Variants in FRS2 observed in about 807,000 individuals in gnomAD.
The protein encoded by FRS2 is FGFR signalling adaptor.
In FRS2, 8 loss-of-function variants were observed where a neutral mutation model predicts 43.9. The observed-to-expected ratio is 0.18, with a 90% CI of 0.11 to 0.33. FRS2 has a LOEUF of 0.33. FRS2 is among the 10% of genes least tolerant of loss of function. FRS2 has a pLI of 1.00. For synonymous variants in FRS2, 219 were observed against 220.3 expected, an observed-to-expected ratio of 0.99 and a Z score of 0.05; for missense variants, 534 against 627.6, an observed-to-expected ratio of 0.85 and a Z score of 1.59.
intron 1 of FRS2, among the ~76,000 whole-genome samples, chr12:69,489,883 A>G (rs1254687879): frequency 6.7e-6 from 1 of 150,210 alleles, no homozygotes; most frequent in African/African-American, 2.5e-5. Flanking sequence ...GAATATACTG[A>G]TTGTTTGATA....
chr12:69,573,943 G>A, intron 8 of FRS2, 62 bp from the exon 9 acceptor site: 1 of 1,084,388 alleles, frequency 9.2e-7, no homozygotes, highest in South Asian at 1.5e-5. Context: ...GATGTGGTCA[G>A]GCTTTTTTTC....
Position 69,557,619 on chromosome 12 carries a change from T to TGTGTGTGTGTGCGCGC in FRS2, c.-121-4560_-121-4559insTGTGTGTGTGCGCGCG, listed in dbSNP as rs1555192498. On this transcript the variant is annotated intron_variant, in intron 3 of 8. Transcript: ENST00000549921. ...TTGTGTGTGTGTGTGTGTGTGTGTGTGCGCGCGCGCGCGCGCGCAGGTGCA... is the reference window on the plus strand; with the variant it reads ...TTGTGTGTGTGTGTGTGTGTGTGTGTGTGTGTGTGTGCGCGCGCGCGCGCGCGCGCGCGCAGGTGCA... Among the ~76,000 whole-genome samples, 39 of 119,012 alleles carry TGTGTGTGTGTGCGCGC rather than the reference T, an allele frequency of 3.3e-4. No homozygotes were observed. In the East Asian group the frequency reaches 3.7e-3, roughly 11 times the overall value. The allele number at this position is 119,012 out of a possible 152,430, so 78.1% of individuals were successfully genotyped here. A position where few individuals can be genotyped will look rare whatever the true frequency, so the allele number is the denominator to read the frequency against.
At chr12:69,534,076 A>C (rs503801) in intron 3 of FRS2, among the ~76,000 whole-genome samples, 14,255 of 152,240 alleles carry the variant, frequency 0.094, 884 homozygotes, top group Non-Finnish European at 0.14. Context: ...TTGATAGTCT[A>C]CTTGGAGTTA....
chr12:69,531,398 T>C (rs1303793496), intron 2 of FRS2, among the ~76,000 whole-genome samples: 1 of 152,152 alleles, frequency 6.6e-6, no homozygotes, highest in African/African-American at 2.4e-5. Context: ...GTAGTACAAA[T>C]TCTACCATAC....
chr12:69,538,239 TATATATATAC>T (rs1877532038), intron 3 of FRS2, among the ~76,000 whole-genome samples: 9 of 102,748 alleles, frequency 8.8e-5, no homozygotes, highest in African/African-American at 4.2e-4. Context: ...GCAGATTATA[TATATATATAC>T]ATATATATAT....
At chr12:69,555,824 G>A (rs1231846256) in intron 3 of FRS2, among the ~76,000 whole-genome samples, 1 of 152,166 alleles carries the variant, frequency 6.6e-6, no homozygotes, top group Non-Finnish European at 1.5e-5. Context: ...GTTATTTTGA[G>A]TGCACTGCTC....
At chr12:69,475,787 C>T (rs1010328534) in intron 1 of FRS2, among the ~76,000 whole-genome samples, 1 of 151,940 alleles carries the variant, frequency 6.6e-6, no homozygotes, top group African/African-American at 2.4e-5. Flanking sequence ...CTTGTGGCTC[C>T]CGAAGTGCTG....
At chr12:69,506,854 A>G (rs1293374116) in intron 1 of FRS2, among the ~76,000 whole-genome samples, 1 of 152,212 alleles carries the variant, frequency 6.6e-6, no homozygotes, top group Non-Finnish European at 1.5e-5. Context: ...AGAAGTGGTT[A>G]GGTCATGAGG....
At chr12:69,471,339 G>C (rs1380595275) in intron 1 of FRS2, among the ~76,000 whole-genome samples, 5 of 151,686 alleles carry the variant, frequency 3.3e-5, no homozygotes, top group Non-Finnish European at 1.5e-5. Flanking sequence ...GTTGTATGAT[G>C]AGTTCATTCA....
intron 1 of FRS2, among the ~76,000 whole-genome samples, chr12:69,474,108 T>G (rs951057411): frequency 6.6e-6 from 1 of 152,180 alleles, no homozygotes; most frequent in Non-Finnish European, 1.5e-5. Flanking sequence ...CCCAAAGTGC[T>G]GGGATTACAG....
chr12:69,557,049 C>G (rs1879417332), intron 3 of FRS2, among the ~76,000 whole-genome samples: 1 of 152,050 alleles, frequency 6.6e-6, no homozygotes, highest in South Asian at 2.1e-4. Context: ...AATAACAATT[C>G]CTTTGAATTT....
chr12:69,545,334 TGAAAAA>T lies in FRS2; in HGVS notation c.-122+13282_-122+13287del, dbSNP rs1263971644. The stretch of plus-strand genomic sequence containing the variant: ...GGACTCTCAATAGCTAAAACAATCT[TGAAAAA>T]GAAGAAGAAAGCTGGTGACTCACAC... On this transcript the variant is annotated intron_variant, in intron 3 of 8. Coordinates refer to ENST00000549921, the MANE Select transcript of FRS2 (RefSeq NM_001278356.2). Among the ~76,000 whole-genome samples the T allele has an allele frequency of 6.6e-5, 10 of 152,194 alleles. No individual in the cohort carries two copies. The South Asian group carries it at 1.2e-3, about 19-fold the overall frequency.
At chr12:69,521,144 A>T (rs1237079871) in intron 1 of FRS2, among the ~76,000 whole-genome samples, 1 of 151,460 alleles carries the variant, frequency 6.6e-6, no homozygotes, top group Non-Finnish European at 1.5e-5. Context: ...ATTCCTAGGT[A>T]TTTTTTTTGT....
At chr12:69,471,228 T>C (rs1870256457) in intron 1 of FRS2, among the ~76,000 whole-genome samples, 1 of 152,010 alleles carries the variant, frequency 6.6e-6, no homozygotes, top group African/African-American at 2.4e-5. Flanking sequence ...ATCAGTAGTT[T>C]AGACACCCCC....
intron 1 of FRS2, among the ~76,000 whole-genome samples, chr12:69,474,650 C>G (rs1323151229): frequency 1.3e-5 from 2 of 152,138 alleles, no homozygotes; most frequent in African/African-American, 4.8e-5. Context: ...TACCCTGTTT[C>G]AGGGAGGACA....
chr12:69,556,073 A>C (rs914003976), intron 3 of FRS2, among the ~76,000 whole-genome samples: 5 of 149,468 alleles, frequency 3.3e-5, no homozygotes, highest in Non-Finnish European at 5.9e-5. Flanking sequence ...ATTAGACTTT[A>C]AAAAAAAATT....
chr12:69,545,052 A>G (rs1467018423), intron 3 of FRS2, among the ~76,000 whole-genome samples: 2 of 152,216 alleles, frequency 1.3e-5, no homozygotes, highest in Non-Finnish European at 2.9e-5. Context: ...AAACAATTTC[A>G]TTTACAATAG....
chr12:69,560,010 C>T (rs2135771628), intron 3 of FRS2, among the ~76,000 whole-genome samples: 1 of 152,266 alleles, frequency 6.6e-6, no homozygotes, highest in East Asian at 1.9e-4. Context: ...AGCACATATA[C>T]CTTCCTAAGC....
At chr12:69,504,912 T>C (rs898700430) in intron 1 of FRS2, among the ~76,000 whole-genome samples, 1 of 152,180 alleles carries the variant, frequency 6.6e-6, no homozygotes, top group Admixed American at 6.5e-5. Flanking sequence ...TAGCGCAGCC[T>C]CAAACCCCTA....
Sources: allele counts gnomAD v4.1 joint callset (sites outside exome capture counted in the v4.1 genomes callset), GRCh38; gene constraint gnomAD v4.1.1; transcripts MANE v1.5; gene names NCBI Gene and HGNC (gene_info 2026-07-23, HGNC 2026-07-21).